LTBP1: variants seen among roughly 807,000 people sequenced by gnomAD.
LTBP1 encodes the protein latent transforming growth factor beta binding protein 1, also known as latent-transforming growth factor beta-binding protein 1.
In LTBP1, 129 loss-of-function variants were observed where a neutral mutation model predicts 207.6. The observed-to-expected ratio is 0.62, with a 90% confidence interval of 0.54 to 0.72. LTBP1 has a LOEUF of 0.72. Among genes scored for constraint, LTBP1 ranks in the 30% least tolerant of loss-of-function variants. The probability of loss-of-function intolerance (pLI) is 0.00; values close to 1 mark genes in which losing one functional copy is unlikely to be tolerated. For missense variants in LTBP1, 2,281 were observed against 2,217.2 expected, an observed-to-expected ratio of 1.03 and a Z score of -0.58; for synonymous variants, 963 against 833.7, an observed-to-expected ratio of 1.16 and a Z score of -2.67.
intron 22 of LTBP1, among the ~76,000 whole-genome samples, chr2:33,305,086 A>G (rs2094064070): frequency 6.6e-6 from 1 of 152,174 alleles, no homozygotes; most frequent in South Asian, 2.1e-4. Flanking sequence ...GTTCCGAGGC[A>G]GGTGGATCAC....
chr2:33,283,779 T>C (rs1350270057), intron 19 of LTBP1, among the ~76,000 whole-genome samples: 1 of 152,200 alleles, frequency 6.6e-6, no homozygotes, highest in Non-Finnish European at 1.5e-5. Context: ...TGAAAAATCC[T>C]ACATTTGTCA....
At chr2:33,079,460 GAGAATTAATAC>G (rs1339613524) in intron 3 of LTBP1, among the ~76,000 whole-genome samples, 4 of 152,154 alleles carry the variant, frequency 2.6e-5, no homozygotes, top group African/African-American at 9.7e-5. Flanking sequence ...AGGCAATTTG[GAGAATTAATAC>G]AGAATTAATA....
At chr2:33,292,370 A>C (rs1269413122) in intron 19 of LTBP1, among the ~76,000 whole-genome samples, 2 of 152,214 alleles carry the variant, frequency 1.3e-5, no homozygotes, top group Non-Finnish European at 2.9e-5. Context: ...CAGTCAGGTT[A>C]AAAGGATAGG....
intron 2 of LTBP1, among the ~76,000 whole-genome samples, chr2:33,002,349 A>G (rs1044762335): frequency 2.0e-5 from 3 of 152,170 alleles, no homozygotes; most frequent in African/African-American, 7.2e-5. Flanking sequence ...CGGTGGAAAG[A>G]AAATGTTTGT....
At chr2:33,327,140 A>G (rs2094438295) in intron 24 of LTBP1, among the ~76,000 whole-genome samples, 1 of 152,024 alleles carries the variant, frequency 6.6e-6, no homozygotes, top group South Asian at 2.1e-4. Context: ...GTTCAGATAG[A>G]CTCTGGGAAG....
intron 3 of LTBP1, among the ~76,000 whole-genome samples, chr2:33,099,463 T>C (rs1425421199): frequency 6.6e-6 from 1 of 150,590 alleles, no homozygotes; most frequent in African/African-American, 2.4e-5. Flanking sequence ...CCGTATGAAA[T>C]ATTTTTTTGG....
intron 24 of LTBP1, among the ~76,000 whole-genome samples, chr2:33,334,307 G>A (rs539584797): frequency 6.6e-6 from 1 of 152,368 alleles, no homozygotes; most frequent in South Asian, 2.1e-4. Context: ...ACGTGGCAAA[G>A]GCCTCTATGC....
At chr2:33,090,536 C>A (rs1208084506) in intron 3 of LTBP1, among the ~76,000 whole-genome samples, 1 of 152,158 alleles carries the variant, frequency 6.6e-6, no homozygotes, top group Non-Finnish European at 1.5e-5. Flanking sequence ...TTACCCATTT[C>A]ATTCTCATCA....
intron 5 of LTBP1, among the ~76,000 whole-genome samples, chr2:33,145,055 TAAG>T (rs1192952527): frequency 2.0e-5 from 3 of 152,102 alleles, no homozygotes; most frequent in Admixed American, 6.5e-5. Context: ...AGAAAGAAAA[TAAG>T]AAGAGTCAGA....
At chr2:33,138,900 C>A in intron 5 of LTBP1, among the ~76,000 whole-genome samples, 1 of 131,726 alleles carries the variant, frequency 7.6e-6, no homozygotes, top group Non-Finnish European at 1.5e-5. Flanking sequence ...GCTCTGTCGC[C>A]CAGGCTGGAG....
chr2:33,133,548 G>C (rs2081948693), intron 4 of LTBP1, among the ~76,000 whole-genome samples: 1 of 152,182 alleles, frequency 6.6e-6, no homozygotes, highest in African/African-American at 2.4e-5. Context: ...TGTGTGTCTT[G>C]CAATTTGCCA....
intron 5 of LTBP1, among the ~76,000 whole-genome samples, chr2:33,172,863 C>T (rs567392149): frequency 0.01 from 1,527 of 152,186 alleles, 7 homozygotes; most frequent in Non-Finnish European, 0.014. Context: ...CTCAAAACTG[C>T]TCAACTACAT....
At chr2:33,068,552 A>G (rs938696396) in intron 3 of LTBP1, among the ~76,000 whole-genome samples, 3 of 152,202 alleles carry the variant, frequency 2.0e-5, no homozygotes, top group African/African-American at 7.2e-5. Flanking sequence ...AGCATCCTAC[A>G]GAGTATTTTC....
In LTBP1 at chr2:33,188,798, G is replaced by A. The variant is rs767256539; in HGVS notation, c.1648G>A (p.Val550Met). 16 of 1,614,110 alleles carry A rather than the reference G, an allele frequency of 9.9e-6. No individual in the cohort carries two copies. The highest frequency in any genetic ancestry group is 4.4e-5 in the South Asian group (4 of 91,078). Reference protein sequence around the residue: ...HQQVIPHVYPVAAKTQLGRCF... With the variant: ...HQQVIPHVYPMAAKTQLGRCF... ...GCAGGTCATTCCTCACGTCTACCCC[G>A]TGGCTGCTAAGACACAGCTTGGCCG... Residue 550 changes from valine (V) to methionine (M), a missense_variant, in exon 7 of 34, where the codon GTG (valine) becomes ATG (methionine). This residue lies in a region of LTBP1 where 1,671 missense variants were observed against 1,634.8 expected (regional missense o/e 1.02). Transcript: ENST00000404816.
chr2:33,315,385 GCA>G, intron 24 of LTBP1, 116 bp downstream of exon 24: 11 of 1,262,146 alleles, frequency 8.7e-6, no homozygotes, highest in Non-Finnish European at 1.1e-5. Flanking sequence ...GAGCCTCAAA[GCA>G]TGTATGCATC....
intron 9 of LTBP1, among the ~76,000 whole-genome samples, chr2:33,229,166 T>G (rs2091642572): frequency 6.6e-6 from 1 of 152,176 alleles, no homozygotes; most frequent in African/African-American, 2.4e-5. Flanking sequence ...TTGTTTTATT[T>G]CATTAAAAAG....
At position 33,242,557 on chromosome 2, in the gene LTBP1, G is replaced by A. The variant is rs369757676; in HGVS notation, c.1877-1105G>A. Among the ~76,000 whole-genome samples the A allele has an allele frequency of 8.7e-4, 129 of 147,796 alleles. 2 individuals are homozygous for A. In the South Asian group the frequency reaches 0.026, roughly 30 times the overall value. ...TTCTTTCTTCCTCAGAACTCCTTCC[G>A]CAAAACCAGCTGTGATTTTTTTTTC... On this transcript the variant is annotated intron_variant, in intron 9 of 33. Coordinates refer to ENST00000404816, the MANE Select transcript of LTBP1 (RefSeq NM_206943.4).
At chr2:32,958,710 T>G (rs1678495371) in intron 2 of LTBP1, among the ~76,000 whole-genome samples, 1 of 152,240 alleles carries the variant, frequency 6.6e-6, no homozygotes, top group South Asian at 2.1e-4. Context: ...TTTCTTTGTT[T>G]ACTCTCACCT....
intron 9 of LTBP1, among the ~76,000 whole-genome samples, chr2:33,235,450 T>C (rs2091995472): frequency 6.6e-6 from 1 of 152,226 alleles, no homozygotes; most frequent in African/African-American, 2.4e-5. Flanking sequence ...TTTACACTGT[T>C]GGTGGGAGTG....
Sources: gnomAD v4.1 joint callset for allele counts (sites outside exome capture counted in the v4.1 genomes callset) on GRCh38, gnomAD v4.1.1 for gene constraint, gnomAD v4.1.1 regional missense constraint, MANE v1.5 for transcripts, NCBI Gene and HGNC (gene_info 2026-07-23, HGNC 2026-07-21) for gene names.